LNX1: variants seen among roughly 807,000 people sequenced by gnomAD.
The protein encoded by LNX1 is ligand of numb-protein X 1, also known as E3 ubiquitin-protein ligase LNX.
LNX1 carries 54 observed loss-of-function variants against 68.4 expected under a neutral mutation model. That is an observed-to-expected ratio of 0.79 (90% CI 0.63 to 0.99). The LOEUF (loss-of-function observed/expected upper bound fraction) is 0.99, where lower values mean the gene tolerates loss of function less well. LNX1 is among the 50% of genes least tolerant of loss of function. The pLI is 0.00. For missense variants in LNX1, 906 were observed against 926.4 expected, an observed-to-expected ratio of 0.98 and a Z score of 0.29; for synonymous variants, 336 against 350.0, an observed-to-expected ratio of 0.96 and a Z score of 0.45.
At chr4:53,591,627 G>C, upstream of LNX1, 1 of 972,088 alleles carries the variant, frequency 1.0e-6, no homozygotes, top group Non-Finnish European at 1.2e-6. Context: ...GAGTCAGGAG[G>C]CCCCGCCCAC....
intron 7 of LNX1, among the ~76,000 whole-genome samples, chr4:53,479,977 C>G (rs1354703879): frequency 1.3e-5 from 2 of 152,188 alleles, no homozygotes; most frequent in African/African-American, 4.8e-5. Context: ...AGAGGTAAAC[C>G]ATGCAAAATT....
At chr4:53,558,712 G>T (rs571139715) in intron 2 of LNX1, among the ~76,000 whole-genome samples, 1 of 152,294 alleles carries the variant, frequency 6.6e-6, no homozygotes, top group South Asian at 2.1e-4. Flanking sequence ...GTTCCTGTTT[G>T]GTGAGGAAAT....
At chr4:53,590,472 GACA>G (rs1192359145) in intron 1 of LNX1, among the ~76,000 whole-genome samples, 2 of 151,352 alleles carry the variant, frequency 1.3e-5, no homozygotes, top group Non-Finnish European at 2.9e-5. Flanking sequence ...TCCTTTCTCT[GACA>G]ACAATATTGG....
intron 2 of LNX1, among the ~76,000 whole-genome samples, chr4:53,611,407 T>C (rs1560693572): frequency 6.6e-6 from 1 of 152,208 alleles, no homozygotes; most frequent in Non-Finnish European, 1.5e-5. Context: ...AAATTGATTA[T>C]GTGTGTGGTG....
intron 1 of LNX1, chr4:53,579,250 C>T (rs1301877442): frequency 3.0e-6 from 3 of 984,250 alleles, no homozygotes; most frequent in African/African-American, 3.5e-5. Flanking sequence ...TCCCTCCTTA[C>T]GTACGTGTAT....
intron 2 of LNX1, among the ~76,000 whole-genome samples, chr4:53,534,669 G>GTA (rs1287315358): frequency 6.6e-6 from 1 of 152,110 alleles, no homozygotes; most frequent in Non-Finnish European, 1.5e-5. Flanking sequence ...TCTAGGCCCT[G>GTA]TATTTTGGTC....
rs140681259 is a variant in LNX1 at position 53,459,697 on chromosome 4, C to T, written c.*1210G>A. 4.9e-5 allele frequency: 25 copies of T among 509,846 alleles called. No homozygotes were observed. In the East Asian group the frequency reaches 7.7e-4, roughly 16 times the overall value. The allele number at this position is 509,846 out of a possible 1,614,324, so 31.6% of individuals were successfully genotyped here. A position where few individuals can be genotyped will look rare whatever the true frequency, so the allele number is the denominator to read the frequency against. On this transcript the variant is annotated 3_prime_UTR_variant, in exon 11 of 11. Coordinates refer to ENST00000263925, the MANE Select transcript of LNX1 (RefSeq NM_001126328.3). ...CCAAGAAAGGAATGTGAATGAGTCACTTAACAGGGAATCTAAAGAGCTGTG... is the reference window on the plus strand; with the variant it reads ...CCAAGAAAGGAATGTGAATGAGTCATTTAACAGGGAATCTAAAGAGCTGTG...
chr4:53,574,551 A>G (rs989648160), intron 1 of LNX1, among the ~76,000 whole-genome samples: 37 of 152,338 alleles, frequency 2.4e-4, no homozygotes, highest in African/African-American at 7.9e-4. Flanking sequence ...AGAGCTTTCA[A>G]CTAAGTCATC....
upstream of LNX1, among the ~76,000 whole-genome samples, chr4:53,596,380 A>T (rs1201235939): frequency 6.6e-6 from 1 of 152,186 alleles, no homozygotes; most frequent in Non-Finnish European, 1.5e-5. Context: ...ATTAGCATTA[A>T]ATCAATTATT....
intron 2 of LNX1, among the ~76,000 whole-genome samples, chr4:53,613,507 C>T (rs540483410): frequency 3.3e-5 from 5 of 152,144 alleles, no homozygotes; most frequent in African/African-American, 1.2e-4. Context: ...CCTCTCCGTC[C>T]TCCACCCCCC....
At chr4:53,612,150 T>C (rs1042884672) in intron 2 of LNX1, among the ~76,000 whole-genome samples, 4 of 152,044 alleles carry the variant, frequency 2.6e-5, no homozygotes, top group African/African-American at 9.7e-5. Flanking sequence ...TTACCAAAAG[T>C]GAGGGGAGTA....
At chr4:53,491,257 C>T (rs139746863) in intron 6 of LNX1, among the ~76,000 whole-genome samples, 23 of 140,824 alleles carry the variant, frequency 1.6e-4, no homozygotes, top group Non-Finnish European at 3.0e-4. Context: ...ACCTAAAAGG[C>T]TAGTTTTCAA....
chr4:53,500,007 C>T (rs1454594046), intron 4 of LNX1: 2 of 152,230 alleles, frequency 1.3e-5, no homozygotes, highest in Admixed American at 1.3e-4. Context: ...AACAGCTGCT[C>T]TAATTGTCCT....
chr4:53,526,888 A>C (rs1727646228), intron 2 of LNX1, among the ~76,000 whole-genome samples: 1 of 152,006 alleles, frequency 6.6e-6, no homozygotes, highest in African/African-American at 2.4e-5. Context: ...GCTCCACAGA[A>C]GGCTCACGAT....
In LNX1 at chr4:53,459,502, C is replaced by A. The variant is rs1560597302; in HGVS notation, c.*1405G>T. 7.5e-6 allele frequency: 12 copies of A among 1,607,936 alleles called. No individual in the cohort carries two copies. The highest frequency in any genetic ancestry group is 1.0e-5 in the Non-Finnish European group (12 of 1,176,344). ...AGTACCAGAAGTAGATACTATAAAT[C>A]TTGTTATTTTTCTGGATAATGTTTA... On this transcript the variant is annotated 3_prime_UTR_variant, in exon 11 of 11. Coordinates refer to ENST00000263925, the MANE Select transcript of LNX1 (RefSeq NM_001126328.3).
intron 2 of LNX1, among the ~76,000 whole-genome samples, chr4:53,610,823 C>T (rs1379217850): frequency 2.0e-5 from 3 of 149,052 alleles, no homozygotes; most frequent in Non-Finnish European, 4.5e-5. Context: ...AAATAGAAGG[C>T]AAAATAAGTA....
intron 6 of LNX1, among the ~76,000 whole-genome samples, chr4:53,487,995 C>T (rs1054489239): frequency 6.6e-6 from 1 of 152,152 alleles, no homozygotes; most frequent in African/African-American, 2.4e-5. Flanking sequence ...TCAGTGAATC[C>T]ATCTTGTGCT....
At chr4:53,480,295 A>G (rs1579380337) in intron 7 of LNX1, among the ~76,000 whole-genome samples, 1 of 152,328 alleles carries the variant, frequency 6.6e-6, no homozygotes, top group Non-Finnish European at 1.5e-5. Flanking sequence ...TCCAGGAATT[A>G]AGACATATGA....
At chr4:53,526,182 A>G (rs1166446337) in intron 2 of LNX1, among the ~76,000 whole-genome samples, 1 of 152,192 alleles carries the variant, frequency 6.6e-6, no homozygotes. Flanking sequence ...TGATATGAAC[A>G]AACAAAACCC....
Sources: gnomAD v4.1 joint callset for allele counts (sites outside exome capture counted in the v4.1 genomes callset) on GRCh38, gnomAD v4.1.1 for gene constraint, MANE v1.5 for transcripts, NCBI Gene and HGNC (gene_info 2026-07-23, HGNC 2026-07-21) for gene names.